Variants in ZC3H12B observed in about 807,000 individuals in gnomAD.
The protein encoded by ZC3H12B is probable ribonuclease ZC3H12B.
Under a neutral mutation model 43.9 loss-of-function variants are expected in ZC3H12B, and 7 were observed. The observed-to-expected ratio is 0.16, with a 90% CI of 0.09 to 0.30. The LOEUF (loss-of-function observed/expected upper bound fraction) is 0.30, where lower values mean the gene tolerates loss of function less well. Among genes scored for constraint, ZC3H12B ranks in the 10% least tolerant of loss-of-function variants. The pLI is 1.00. For missense variants in ZC3H12B, 475 were observed against 670.2 expected, an observed-to-expected ratio of 0.71 and a Z score of 3.22; for synonymous variants, 222 against 241.7, an observed-to-expected ratio of 0.92 and a Z score of 0.76.
At chrX:65,222,597 C>A in the ZC3H12B span, among the ~76,000 whole-genome samples, 1 of 91,337 alleles carries the variant, frequency 1.1e-5, no homozygotes, top group African/African-American at 4.0e-5. Context: ...TTTACAATAG[C>A]TGCAAAATAA....
In ZC3H12B at chrX:65,497,131, GC is replaced by G; in HGVS notation, c.610del (p.His204MetfsTer20). On this transcript the variant is annotated frameshift_variant and splice_region_variant, in exon 2 of 5. Coordinates refer to ENST00000338957, the Ensembl canonical transcript of ZC3H12B. LOFTEE classifies it high-confidence loss of function. ...CTCCTCTTATTCTGTATCTTCCTAA[GC>G]CATGGGAATAAAGAAGAATTCTCCT... 8.4e-7 allele frequency: 1 copy of G among 1,196,770 alleles called. No individual in the cohort carries two copies.
chrX:65,328,516 A>AT, the ZC3H12B span: 1 of 197,264 alleles, frequency 5.1e-6, no homozygotes, highest in East Asian at 1.5e-4. Context: ...ATGTTTCCTC[A>AT]TTTTCTTTTT....
intron 2 of ZC3H12B, among the ~76,000 whole-genome samples, chrX:65,381,626 A>G (rs1280638960): frequency 4.2e-4 from 47 of 112,234 alleles, no homozygotes; most frequent in Non-Finnish European, 7.9e-4. Context: ...AAGGAAATAG[A>G]GACACAAAAA....
the ZC3H12B span, among the ~76,000 whole-genome samples, chrX:65,116,619 G>A: frequency 9.1e-6 from 1 of 109,818 alleles, no homozygotes; most frequent in African/African-American, 3.3e-5. Flanking sequence ...ACAACATGCA[G>A]GTTTGTTACA....
chrX:65,140,108 C>T, the ZC3H12B span, among the ~76,000 whole-genome samples: 1 of 110,900 alleles, frequency 9.0e-6, no homozygotes, highest in East Asian at 2.8e-4. Context: ...ATTGCTCTGA[C>T]AAGGAATGCC....
At chrX:65,243,845 T>A in the ZC3H12B span, among the ~76,000 whole-genome samples, 2 of 111,664 alleles carry the variant, frequency 1.8e-5, no homozygotes. Context: ...TTAGAGGACA[T>A]TATATTAAAC....
the ZC3H12B span, among the ~76,000 whole-genome samples, chrX:65,333,198 GT>G: frequency 9.1e-6 from 1 of 109,878 alleles, no homozygotes; most frequent in Non-Finnish European, 1.9e-5. Context: ...TAGGGGGCCA[GT>G]TTTACCAAGG....
the ZC3H12B span, among the ~76,000 whole-genome samples, chrX:65,252,441 A>G: frequency 9.8e-5 from 11 of 112,017 alleles, no homozygotes; most frequent in Admixed American, 1.0e-3. Flanking sequence ...TATTCTAAGC[A>G]TTTTATCTGT....
the ZC3H12B span, among the ~76,000 whole-genome samples, chrX:65,165,211 A>T: frequency 1.8e-5 from 2 of 112,065 alleles, no homozygotes; most frequent in Admixed American, 9.5e-5. Context: ...ATTGCTCCAC[A>T]TTAATTGAGA....
intron 3 of ZC3H12B, among the ~76,000 whole-genome samples, chrX:65,406,520 G>A (rs1375246364): frequency 4.9e-5 from 5 of 101,915 alleles, no homozygotes; most frequent in African/African-American, 1.8e-4. Flanking sequence ...CATAATAAAA[G>A]CTATATAGGG....
At chrX:65,206,997 C>CAA in the ZC3H12B span, among the ~76,000 whole-genome samples, 5 of 99,472 alleles carry the variant, frequency 5.0e-5, no homozygotes, top group South Asian at 4.5e-4. Context: ...ATCAAAAAAT[C>CAA]AAAAAAAAAA....
chrX:65,184,561 G>C, the ZC3H12B span, among the ~76,000 whole-genome samples: 3 of 111,672 alleles, frequency 2.7e-5, no homozygotes, highest in Non-Finnish European at 5.7e-5. Context: ...GTGGATACTA[G>C]GACCTTTTAA....
chrX:65,113,985 GTATATATATATATATATATATATA>G, the ZC3H12B span, among the ~76,000 whole-genome samples: 17 of 47,424 alleles, frequency 3.6e-4, no homozygotes, highest in East Asian at 5.4e-3. Context: ...AGATATGCTT[GTATATATATATATATATATATATA>G]TATATATATA....
the ZC3H12B span, among the ~76,000 whole-genome samples, chrX:65,122,096 TGTG>T: frequency 9.0e-6 from 1 of 111,327 alleles, no homozygotes; most frequent in Admixed American, 9.6e-5. Context: ...ATAAGTGTGG[TGTG>T]GTGCTGAGAA....
At chrX:65,123,747 C>A in the ZC3H12B span, among the ~76,000 whole-genome samples, 1 of 95,053 alleles carries the variant, frequency 1.1e-5, no homozygotes, top group Non-Finnish European at 2.1e-5. Context: ...TTTTTTTTTG[C>A]AACTCTTGTG....
the ZC3H12B span, among the ~76,000 whole-genome samples, chrX:65,041,596 CTG>C: frequency 3.6e-5 from 4 of 112,021 alleles, no homozygotes; most frequent in Non-Finnish European, 7.5e-5. Context: ...GTTTTAAAAA[CTG>C]TAGTAGCAAT....
chrX:65,226,494 T>G, the ZC3H12B span, among the ~76,000 whole-genome samples: 1 of 111,611 alleles, frequency 9.0e-6, no homozygotes, highest in Non-Finnish European at 1.9e-5. Context: ...AATAACCAGC[T>G]AACATCATAA....
At chrX:65,098,866 A>T in the ZC3H12B span, among the ~76,000 whole-genome samples, 1 of 110,116 alleles carries the variant, frequency 9.1e-6, no homozygotes, top group African/African-American at 3.3e-5. Flanking sequence ...GGTGCCTGGA[A>T]CCCCAGCAAG....
chrX:65,146,650 T>A, the ZC3H12B span, among the ~76,000 whole-genome samples: 271 of 111,467 alleles, frequency 2.4e-3, 1 homozygote, highest in African/African-American at 8.4e-3. Flanking sequence ...TCTCATGGGG[T>A]GTTCCTTTTA....
Sources: gnomAD v4.1 joint callset for allele counts (sites outside exome capture counted in the v4.1 genomes callset) on GRCh38, gnomAD v4.1.1 for gene constraint, MANE v1.5 for transcripts, NCBI Gene and HGNC (gene_info 2026-07-23, HGNC 2026-07-21) for gene names.